CNTNAP5: variants seen among roughly 807,000 people sequenced by gnomAD.
The protein encoded by CNTNAP5 is contactin-associated protein-like 5.
In CNTNAP5, 72 loss-of-function variants were observed where a neutral mutation model predicts 150.2. The observed-to-expected ratio is 0.48, with a 90% confidence interval of 0.40 to 0.58. The LOEUF (loss-of-function observed/expected upper bound fraction) is 0.58, where lower values mean the gene tolerates loss of function less well. Ranked by LOEUF, CNTNAP5 falls within the 20% of genes least tolerant of loss-of-function variation. The probability of loss-of-function intolerance (pLI) is 0.00; values close to 1 mark genes in which losing one functional copy is unlikely to be tolerated. For missense variants in CNTNAP5, 1,636 were observed against 1,626.2 expected (o/e 1.01, Z -0.10); for synonymous variants, 672 against 619.8 (o/e 1.08, Z -1.25).
intron 12 of CNTNAP5, among the ~76,000 whole-genome samples, chr2:124,629,674 A>C (rs377095675): frequency 6.6e-6 from 1 of 151,852 alleles, no homozygotes; most frequent in South Asian, 2.1e-4. Flanking sequence ...GAGCAAACAA[A>C]CCCCAGAGCT....
intron 11 of CNTNAP5, among the ~76,000 whole-genome samples, chr2:124,599,185 T>G (rs1009466991): frequency 2.6e-5 from 4 of 152,172 alleles, no homozygotes; most frequent in Admixed American, 6.5e-5. Context: ...AATATTTAAA[T>G]CTCTGATTCA....
At chr2:124,637,617 T>C (rs1335197741) in intron 12 of CNTNAP5, among the ~76,000 whole-genome samples, 7 of 152,182 alleles carry the variant, frequency 4.6e-5, no homozygotes, top group African/African-American at 1.7e-4. Context: ...TTCCTCAACA[T>C]TTCCTCCCAA....
intron 12 of CNTNAP5, among the ~76,000 whole-genome samples, chr2:124,622,337 A>G (rs951109851): frequency 6.6e-6 from 1 of 152,200 alleles, no homozygotes; most frequent in African/African-American, 2.4e-5. Flanking sequence ...TCCATGGTGC[A>G]TATGAACTAT....
chr2:124,584,700 G>A (rs1049288620), intron 11 of CNTNAP5, among the ~76,000 whole-genome samples: 6 of 152,130 alleles, frequency 3.9e-5, no homozygotes, highest in African/African-American at 9.7e-5. Flanking sequence ...TTCTGGACTC[G>A]TTAAAACAAT....
intron 12 of CNTNAP5, among the ~76,000 whole-genome samples, chr2:124,618,165 C>T (rs1365541278): frequency 6.6e-6 from 1 of 152,126 alleles, no homozygotes; most frequent in African/African-American, 2.4e-5. Flanking sequence ...CCAGCACAAA[C>T]ATCTGCTGTC....
At chr2:124,885,549 T>TCA (rs3980831) in intron 21 of CNTNAP5, among the ~76,000 whole-genome samples, 5,770 of 145,286 alleles carry the variant, frequency 0.04, 127 homozygotes, top group East Asian at 0.091. Flanking sequence ...AACATTTTCA[T>TCA]CACACACACA....
intron 8 of CNTNAP5, among the ~76,000 whole-genome samples, chr2:124,517,348 T>A (rs1694745567): frequency 7.0e-6 from 1 of 143,526 alleles, no homozygotes; most frequent in Non-Finnish European, 1.5e-5. Context: ...GATGGAGGGT[T>A]ATAGTGTTGG....
At chr2:124,267,937 C>G (rs1687654688) in intron 3 of CNTNAP5, among the ~76,000 whole-genome samples, 1 of 152,162 alleles carries the variant, frequency 6.6e-6, no homozygotes, top group South Asian at 2.1e-4. Flanking sequence ...AGACCTCTGT[C>G]AGAAGAGTCT....
chr2:124,698,490 TGTAAG>T (rs1679453115), intron 13 of CNTNAP5, among the ~76,000 whole-genome samples: 1 of 152,164 alleles, frequency 6.6e-6, no homozygotes, highest in African/African-American at 2.4e-5. Context: ...CTTAAACTTT[TGTAAG>T]CAAGAAATAG....
chr2:124,157,812 G>C (rs1048130710), intron 1 of CNTNAP5, among the ~76,000 whole-genome samples: 4 of 152,100 alleles, frequency 2.6e-5, no homozygotes, highest in Non-Finnish European at 5.9e-5. Flanking sequence ...CTCATGAGGA[G>C]ATCCCAACCT....
At chr2:124,519,045 T>C (rs1318846454) in intron 8 of CNTNAP5, among the ~76,000 whole-genome samples, 1 of 130,686 alleles carries the variant, frequency 7.7e-6, no homozygotes, top group Non-Finnish European at 1.6e-5. Context: ...CGTGGATGAA[T>C]CTTAAAAACA....
chr2:124,148,730 T>G (rs2104629553), intron 1 of CNTNAP5, among the ~76,000 whole-genome samples: 1 of 151,096 alleles, frequency 6.6e-6, no homozygotes, highest in Admixed American at 6.6e-5. Context: ...AATGCTCTTT[T>G]ATCTCATATA....
intron 19 of CNTNAP5, among the ~76,000 whole-genome samples, chr2:124,838,389 A>C (rs1302906532): frequency 6.6e-6 from 1 of 152,130 alleles, no homozygotes; most frequent in Non-Finnish European, 1.5e-5. Flanking sequence ...TGCCTCTCAA[A>C]AAACATGTTG....
intron 2 of CNTNAP5, among the ~76,000 whole-genome samples, chr2:124,222,764 G>A (rs1319913232): frequency 2.1e-5 from 3 of 144,786 alleles, no homozygotes; most frequent in Non-Finnish European, 4.5e-5. Flanking sequence ...AATTTAATTT[G>A]TTAACACTTG....
At chr2:124,816,762 GC>G (rs1369379802) in intron 19 of CNTNAP5, among the ~76,000 whole-genome samples, 1 of 152,140 alleles carries the variant, frequency 6.6e-6, no homozygotes, top group Admixed American at 6.5e-5. Context: ...ACAAGCATGA[GC>G]CACCGTGCAT....
intron 1 of CNTNAP5, among the ~76,000 whole-genome samples, chr2:124,169,010 C>T (rs980232111): frequency 8.5e-5 from 13 of 152,150 alleles, no homozygotes; most frequent in Admixed American, 2.0e-4. Flanking sequence ...CCTTGAATCA[C>T]GATGCCCACT....
At chr2:124,791,660 G>T (rs187327652) in intron 18 of CNTNAP5, among the ~76,000 whole-genome samples, 2 of 149,100 alleles carry the variant, frequency 1.3e-5, no homozygotes, top group Non-Finnish European at 3.0e-5. Context: ...CAAAGATCTC[G>T]TAGATCATAT....
chr2:124,487,945 A>G (rs1371307220), intron 7 of CNTNAP5, among the ~76,000 whole-genome samples: 9 of 152,176 alleles, frequency 5.9e-5, no homozygotes, highest in Non-Finnish European at 1.3e-4. Flanking sequence ...TCCATGATTC[A>G]TAAGAGTCCA....
At chr2:124,619,392 C>T (rs576635242) in intron 12 of CNTNAP5, among the ~76,000 whole-genome samples, 158 of 152,182 alleles carry the variant, frequency 1.0e-3, no homozygotes, top group African/African-American at 3.4e-3. Flanking sequence ...AATTGAAATC[C>T]GTGAACACCT....
Sources: allele counts gnomAD v4.1 joint callset (sites outside exome capture counted in the v4.1 genomes callset), GRCh38; gene constraint gnomAD v4.1.1; transcripts MANE v1.5; gene names NCBI Gene and HGNC (gene_info 2026-07-23, HGNC 2026-07-21).